MYO16: variants seen among roughly 807,000 people sequenced by gnomAD.
The protein encoded by MYO16 is myosin XVI.
MYO16 carries 94 observed loss-of-function variants against 205.3 expected under a neutral mutation model. That is an observed-to-expected ratio of 0.46 (90% CI 0.39 to 0.54). The LOEUF is 0.54. Ranked by LOEUF, MYO16 falls within the 20% of genes least tolerant of loss-of-function variation. MYO16 has a pLI of 0.00. For synonymous variants in MYO16, 988 were observed against 954.0 expected (o/e 1.04, Z -0.66); for missense variants, 2,315 against 2,387.5 (o/e 0.97, Z 0.63).
At chr13:108,986,821 C>T (rs781266763) in intron 20 of MYO16, among the ~76,000 whole-genome samples, 2 of 151,996 alleles carry the variant, frequency 1.3e-5, no homozygotes, top group Non-Finnish European at 2.9e-5. Context: ...GAATTAGACT[C>T]GGGTGTAAGA....
chr13:108,903,999 G>A (rs1009943054), intron 15 of MYO16, among the ~76,000 whole-genome samples: 1 of 152,134 alleles, frequency 6.6e-6, no homozygotes, highest in African/African-American at 2.4e-5. Context: ...TGGACAGGGA[G>A]TATCATCATA....
intron 27 of MYO16, among the ~76,000 whole-genome samples, chr13:109,092,863 T>G (rs1888664299): frequency 1.3e-5 from 2 of 152,242 alleles, no homozygotes; most frequent in African/African-American, 4.8e-5. Flanking sequence ...GAGAGAACAC[T>G]ATTTCATCAC....
intron 28 of MYO16, among the ~76,000 whole-genome samples, chr13:109,109,241 GTAT>G (rs1889211001): frequency 6.6e-6 from 1 of 152,112 alleles, no homozygotes; most frequent in South Asian, 2.1e-4. Context: ...TACTGAGCAC[GTAT>G]TATATGCCAG....
chr13:108,644,073 C>G (rs771347607), intron 1 of MYO16, among the ~76,000 whole-genome samples: 14 of 152,202 alleles, frequency 9.2e-5, no homozygotes, highest in Non-Finnish European at 1.5e-4. Flanking sequence ...GGCCCAGTTT[C>G]CTGGGTCCAG....
the MYO16 span, among the ~76,000 whole-genome samples, chr13:108,586,357 A>AT: frequency 1.2e-4 from 18 of 152,190 alleles, no homozygotes; most frequent in Middle Eastern, 6.8e-3. Context: ...TAAAAAATAT[A>AT]TTTTTTCAGA....
At chr13:108,944,736 T>G (rs1882868490) in intron 16 of MYO16, among the ~76,000 whole-genome samples, 1 of 152,220 alleles carries the variant, frequency 6.6e-6, no homozygotes, top group Admixed American at 6.5e-5. Flanking sequence ...ATACTTTGCA[T>G]GTTTTAAAAT....
intron 1 of MYO16, among the ~76,000 whole-genome samples, chr13:108,645,016 G>T (rs1420168125): frequency 6.6e-6 from 1 of 152,156 alleles, no homozygotes; most frequent in African/African-American, 2.4e-5. Context: ...GCAGTTCTGT[G>T]CCTTATCCCT....
intron 27 of MYO16, among the ~76,000 whole-genome samples, chr13:109,078,463 A>T (rs745504354): frequency 6.6e-6 from 1 of 152,094 alleles, no homozygotes; most frequent in Non-Finnish European, 1.5e-5. Context: ...TGTCTTTAAC[A>T]TATTTAGTTT....
intron 27 of MYO16, among the ~76,000 whole-genome samples, chr13:109,081,329 A>G (rs1412466425): frequency 2.0e-5 from 3 of 152,200 alleles, no homozygotes; most frequent in African/African-American, 2.4e-5. Flanking sequence ...CTGAAGACCT[A>G]AAAGCTTGAA....
At chr13:109,170,060 C>T (rs768940938) in intron 33 of MYO16, among the ~76,000 whole-genome samples, 16 of 151,518 alleles carry the variant, frequency 1.1e-4, no homozygotes, top group Non-Finnish European at 2.1e-4. Context: ...AGGAGAGTAT[C>T]TTTCTTACTT....
At chr13:108,759,785 A>C (rs760692344) in intron 4 of MYO16, among the ~76,000 whole-genome samples, 9 of 149,738 alleles carry the variant, frequency 6.0e-5, no homozygotes, top group South Asian at 2.1e-4. Flanking sequence ...GCGCCACTGC[A>C]CTCCAGCCTG....
intron 32 of MYO16, among the ~76,000 whole-genome samples, chr13:109,160,462 G>A (rs997737490): frequency 2.6e-5 from 4 of 151,958 alleles, no homozygotes; most frequent in African/African-American, 4.8e-5. Context: ...AAATAGCACC[G>A]AGCCCGAGGT....
At chr13:109,122,351 T>A (rs573314542) in intron 29 of MYO16, among the ~76,000 whole-genome samples, 1 of 152,284 alleles carries the variant, frequency 6.6e-6, no homozygotes, top group South Asian at 2.1e-4. Context: ...GAACTGTAAT[T>A]ACTTGTTCAC....
intron 27 of MYO16, among the ~76,000 whole-genome samples, chr13:109,061,423 G>A (rs117260967): frequency 6.6e-6 from 1 of 152,232 alleles, no homozygotes; most frequent in Non-Finnish European, 1.5e-5. Context: ...TTAAAAGTGA[G>A]AGATGTGCAT....
intron 32 of MYO16, among the ~76,000 whole-genome samples, chr13:109,146,545 G>A (rs1459151469): frequency 6.6e-6 from 1 of 152,132 alleles, no homozygotes; most frequent in African/African-American, 2.4e-5. Flanking sequence ...CCCTTTGGGA[G>A]GTTGAGGTGG....
rs79596424 is a variant in MYO16 at position 109,037,889 on chromosome 13, G to C, written c.2797-9027G>C. On this transcript the variant is annotated intron_variant, in intron 23 of 34. Coordinates refer to ENST00000457511, the MANE Select transcript of MYO16 (RefSeq NM_001198950.3). The stretch of plus-strand genomic sequence containing the variant: ...ACAGCTTGATGCCTCTCAGAGACTT[G>C]GGCCTAGAAAGGCAGAGTTGGCCTT... Among the ~76,000 whole-genome samples, 690 of 152,220 alleles carry C rather than the reference G, an allele frequency of 4.5e-3. 2 individuals are homozygous for C. The highest frequency in any genetic ancestry group is 7.9e-3 in the South Asian group (38 of 4,810).
the MYO16 span, among the ~76,000 whole-genome samples, chr13:108,498,952 A>C: frequency 1.3e-5 from 2 of 152,138 alleles, no homozygotes; most frequent in Admixed American, 6.5e-5. Context: ...CCCAGGCAAA[A>C]TTAGGGGTTC....
chr13:108,671,360 T>C (rs1304984273), intron 2 of MYO16, among the ~76,000 whole-genome samples: 2 of 152,190 alleles, frequency 1.3e-5, no homozygotes, highest in Non-Finnish European at 2.9e-5. Flanking sequence ...CCTTCCTATA[T>C]GCTATATTGT....
At chr13:108,507,045 T>C in the MYO16 span, among the ~76,000 whole-genome samples, 1 of 152,170 alleles carries the variant, frequency 6.6e-6, no homozygotes, top group African/African-American at 2.4e-5. Context: ...CACTTGGTCA[T>C]GGTGTATGAC....
Sources: gnomAD v4.1 joint callset for allele counts (sites outside exome capture counted in the v4.1 genomes callset) on GRCh38, gnomAD v4.1.1 for gene constraint, MANE v1.5 for transcripts, NCBI Gene and HGNC (gene_info 2026-07-23, HGNC 2026-07-21) for gene names.